Variants in DNAH8 observed in about 807,000 individuals in gnomAD.
DNAH8 encodes the protein axonemal beta dynein heavy chain 8.
DNAH8 carries 382 observed loss-of-function variants against 562.1 expected under a neutral mutation model. The observed-to-expected ratio is 0.68, with a 90% CI of 0.63 to 0.74. The LOEUF is 0.74. Ranked by LOEUF, DNAH8 falls within the 30% of genes least tolerant of loss-of-function variation. The probability of loss-of-function intolerance (pLI) is 0.00; values close to 1 mark genes in which losing one functional copy is unlikely to be tolerated. For missense variants in DNAH8, 5,203 were observed against 5,620.4 expected, an observed-to-expected ratio of 0.93 and a Z score of 2.37; for synonymous variants, 1,881 against 1,919.4, an observed-to-expected ratio of 0.98 and a Z score of 0.52.
At chr6:38,760,081 C>T (rs190702194) in intron 10 of DNAH8, among the ~76,000 whole-genome samples, 1 of 152,290 alleles carries the variant, frequency 6.6e-6, no homozygotes, top group African/African-American at 2.4e-5. Flanking sequence ...AGACTAAAAT[C>T]CAAGTATTGC....
At chr6:38,775,714 A>G (rs1370564243) in intron 12 of DNAH8, 40 bp from the exon 13 acceptor site, 1 of 1,293,172 alleles carries the variant, frequency 7.7e-7, no homozygotes, top group South Asian at 1.3e-5. Context: ...GTTGCCTGCT[A>G]TCTCATTTAA....
chr6:38,946,680 G>T (rs947309996), intron 80 of DNAH8, among the ~76,000 whole-genome samples: 1 of 152,142 alleles, frequency 6.6e-6, no homozygotes, highest in East Asian at 1.9e-4. Context: ...TGTGGTGGCG[G>T]GTGCCTGTAA....
chr6:38,923,414 T>C, intron 72 of DNAH8: 1 of 412,296 alleles, frequency 2.4e-6, no homozygotes, highest in Non-Finnish European at 4.2e-6. Flanking sequence ...GTGCTTTTGA[T>C]ATTGTTTGGA....
Position 38,907,645 on chromosome 6 carries a change from A to G in DNAH8, c.9349-311A>G, listed in dbSNP as rs16891243. On this transcript the variant is annotated intron_variant, in intron 63 of 92. Coordinates refer to ENST00000327475, the MANE Select transcript of DNAH8 (RefSeq NM_001206927.2). ...AAGTATTTTGGAGCCAGAGTTGATT[A>G]GACTGACTCTGAGTCAAAGTACAGA... 0.059 allele frequency among the ~76,000 whole-genome samples: 9,054 copies of G among 152,284 alleles called. 833 individuals are homozygous for G. Among genetic ancestry groups the G allele is most frequent in the African/African-American group, 0.19 (8,015 of 41,532 alleles).
At chr6:38,956,859 G>A (rs1262373733) in intron 82 of DNAH8, among the ~76,000 whole-genome samples, 2 of 152,098 alleles carry the variant, frequency 1.3e-5, no homozygotes, top group Non-Finnish European at 2.9e-5. Context: ...CTGCAAGAGA[G>A]GAAGAATGGA....
Position 39,009,490 on chromosome 6 carries a change from G to A in DNAH8, c.13371+520G>A, listed in dbSNP as rs900672072. 5.3e-5 allele frequency among the ~76,000 whole-genome samples: 8 copies of A among 152,256 alleles called. No individual in the cohort carries two copies. In the South Asian group the frequency reaches 1.5e-3, roughly 28 times the overall value. The stretch of plus-strand genomic sequence containing the variant: ...ATTAGTGGAGATATTATGAATATAA[G>A]CACCCTGTTACCAATCTGAAGTCTT... On this transcript the variant is annotated intron_variant, in intron 89 of 92. Transcript: ENST00000327475.
intron 41 of DNAH8, among the ~76,000 whole-genome samples, chr6:38,855,217 G>A (rs1353618919): frequency 6.6e-6 from 1 of 151,800 alleles, no homozygotes; most frequent in Non-Finnish European, 1.5e-5. Context: ...TTGTTTGAAT[G>A]CCATGGATCC....
At chr6:38,971,852 A>G (rs541216672) in intron 83 of DNAH8, 187 bp downstream of exon 83, 5 of 457,572 alleles carry the variant, frequency 1.1e-5, no homozygotes, top group Admixed American at 4.0e-5. Context: ...TCCATTTTCT[A>G]TAGTATATGC....
intron 21 of DNAH8, among the ~76,000 whole-genome samples, chr6:38,793,279 A>G (rs1018017340): frequency 1.3e-5 from 2 of 152,182 alleles, no homozygotes; most frequent in South Asian, 2.1e-4. Context: ...TCATCCTCCC[A>G]AAGTGCTGGG....
Position 38,935,652 on chromosome 6 carries a change from A to G in DNAH8, c.11518A>G (p.Lys3840Glu). The G allele has an allele frequency of 6.2e-7, 1 of 1,613,456 alleles. No individual in the cohort carries two copies. Among genetic ancestry groups the G allele is most frequent in the Admixed American group, 1.7e-5 (1 of 59,998 alleles). ...EDVTFNKRKMKELEDNLLYKL... is the reference protein window; with the variant it reads ...EDVTFNKRKMEELEDNLLYKL... ...TGTTACTTTTAATAAGCGGAAGATGAAAGAACTTGAAGATAACCTCCTCTA... is the reference window on the plus strand; with the variant it reads ...TGTTACTTTTAATAAGCGGAAGATGGAAGAACTTGAAGATAACCTCCTCTA... Residue 3840 changes from lysine (K) to glutamate (E), a missense_variant, in exon 77 of 93, where the codon AAA (lysine) becomes GAA (glutamate). Lys to Glu is a moderately conservative substitution (Grantham distance 56, BLOSUM62 1). Around this residue, in one of 6 missense-constraint regions of DNAH8, gnomAD observed 1,399 missense variants for 1,518.4 expected, o/e 0.92. Coordinates refer to ENST00000327475, the MANE Select transcript of DNAH8 (RefSeq NM_001206927.2).
At chr6:38,877,201 A>G (rs1778086344) in intron 53 of DNAH8, among the ~76,000 whole-genome samples, 1 of 152,182 alleles carries the variant, frequency 6.6e-6, no homozygotes, top group Admixed American at 6.5e-5. Flanking sequence ...AGTGAAATTC[A>G]TCAGCAGCAA....
intron 23 of DNAH8, 67 bp from the exon 24 acceptor site, chr6:38,807,543 T>A (rs1425171169): frequency 1.4e-6 from 1 of 718,714 alleles, no homozygotes; most frequent in African/African-American, 1.8e-5. Flanking sequence ...TATTCTGTCA[T>A]TGTTTTGGGG....
chr6:38,850,368 C>T lies in DNAH8; in HGVS notation c.5317C>T (p.Pro1773Ser). 3 of 1,613,560 alleles carry T rather than the reference C, an allele frequency of 1.9e-6. No individual in the cohort carries two copies. Among genetic ancestry groups the T allele is most frequent in the Non-Finnish European group, 2.5e-6 (3 of 1,179,614 alleles). Residue 1773 changes from proline (P) to serine (S), a missense_variant, in exon 38 of 93, where the codon CCT (proline) becomes TCT (serine). Pro to Ser is a moderately conservative substitution (Grantham distance 74, BLOSUM62 -1). Coordinates refer to ENST00000327475, the MANE Select transcript of DNAH8 (RefSeq NM_001206927.2). ...AGATGAAACCATGGGACAACTTTTA[C>T]CTCATTTACATGAGCAGTTGGAAGT... ...VGDETMGQLL[P>S]HLHEQLEVCQ...
At chr6:38,958,285 G>A (rs1348685913) in intron 82 of DNAH8, among the ~76,000 whole-genome samples, 4 of 151,964 alleles carry the variant, frequency 2.6e-5, no homozygotes, top group Non-Finnish European at 5.9e-5. Flanking sequence ...GATTACAGGC[G>A]TGAGCCACCG....
chr6:38,899,810 C>T lies in DNAH8; in HGVS notation c.9098C>T (p.Ala3033Val). 2 of 1,613,486 alleles carry T rather than the reference C, an allele frequency of 1.2e-6. No homozygotes were observed. The highest frequency in any genetic ancestry group is 1.7e-6 in the Non-Finnish European group (2 of 1,179,688). ...ATAATTCGAACGTCGTGTGGAAATG[C>T]ATTGCTGGTGGGTGTTGGTGGTTCC... ...SRIIRTSCGN[A>V]LLVGVGGSGK... The change falls in exon 62 of 93, where the codon GCA (alanine) becomes GTA (valine). Residue 3033 changes from alanine (A) to valine (V), a missense_variant. Coordinates refer to ENST00000327475, the MANE Select transcript of DNAH8 (RefSeq NM_001206927.2).
intron 6 of DNAH8, 21 bp downstream of exon 6, chr6:38,737,277 T>C: frequency 7.3e-7 from 1 of 1,364,090 alleles, no homozygotes; most frequent in Non-Finnish European, 9.6e-7. Flanking sequence ...AATTTAATGT[T>C]TAGCAAATTG....
chr6:38,933,188 C>G (rs186453474), intron 76 of DNAH8, among the ~76,000 whole-genome samples: 6 of 152,208 alleles, frequency 3.9e-5, no homozygotes, highest in Admixed American at 3.9e-4. Flanking sequence ...GTCTAGATCC[C>G]CCATGCAGGC....
At chr6:38,876,854 T>C (rs1778054289) in intron 53 of DNAH8, among the ~76,000 whole-genome samples, 1 of 152,158 alleles carries the variant, frequency 6.6e-6, no homozygotes, top group South Asian at 2.1e-4. Flanking sequence ...GGGAGAATCA[T>C]ACCAAAACTG....
At chr6:38,781,723 G>T (rs1768632158) in intron 16 of DNAH8, among the ~76,000 whole-genome samples, 1 of 152,188 alleles carries the variant, frequency 6.6e-6, no homozygotes, top group Non-Finnish European at 1.5e-5. Context: ...TGTATGGGCA[G>T]ATAGGTCACT....
Sources: allele counts gnomAD v4.1 joint callset (sites outside exome capture counted in the v4.1 genomes callset), GRCh38; gene constraint gnomAD v4.1.1; regional missense constraint gnomAD v4.1.1; transcripts MANE v1.5; gene names NCBI Gene and HGNC (gene_info 2026-07-23, HGNC 2026-07-21).